PRKN: variants seen among roughly 807,000 people sequenced by gnomAD.
PRKN encodes the protein E3 ubiquitin-protein ligase parkin.
PRKN carries 56 observed loss-of-function variants against 59.5 expected under a neutral mutation model. The observed-to-expected ratio is 0.94, with a 90% CI of 0.76 to 1.18. PRKN has a LOEUF of 1.18. Ranked by LOEUF, PRKN falls within the 50% of genes most tolerant of loss-of-function variation. PRKN has a pLI of 0.00. For missense variants in PRKN, 657 were observed against 596.4 expected (o/e 1.10, Z -1.06); for synonymous variants, 250 against 222.1 (o/e 1.13, Z -1.12).
chr6:162,410,353 G>C (rs1022620750), intron 2 of PRKN, among the ~76,000 whole-genome samples: 2 of 152,044 alleles, frequency 1.3e-5, no homozygotes, highest in Non-Finnish European at 2.9e-5. Flanking sequence ...GCTGAATCCA[G>C]AAACAGACCT....
intron 1 of PRKN, among the ~76,000 whole-genome samples, chr6:162,555,159 TTA>T (rs1265936548): frequency 6.6e-6 from 1 of 152,074 alleles, no homozygotes; most frequent in African/African-American, 2.4e-5. Flanking sequence ...GCTATATATA[TTA>T]TATATGGAGG....
chr6:162,550,444 A>C lies in PRKN; in HGVS notation c.8-106971T>G, dbSNP rs562667489. ...CAAGAGAACTCTAGAGACACTTCTC[A>C]GAGTTGTCCCGTTTGGGGGATGGGC... On this transcript the variant is annotated intron_variant, in intron 1 of 11. Coordinates refer to ENST00000366898, the MANE Select transcript of PRKN (RefSeq NM_004562.3). Among the ~76,000 whole-genome samples, 5 of 152,284 alleles carry C rather than the reference A, an allele frequency of 3.3e-5. No homozygotes were observed. The South Asian group carries it at 1.0e-3, about 32-fold the overall frequency.
In PRKN at chr6:161,388,663, C is replaced by A. The variant is rs565180934; in HGVS notation, c.1084-1786G>T. Among the ~76,000 whole-genome samples, 6 of 152,284 alleles carry A rather than the reference C, an allele frequency of 3.9e-5. No individual in the cohort carries two copies. The East Asian group carries it at 1.2e-3, about 29-fold the overall frequency. On this transcript the variant is annotated intron_variant, in intron 9 of 11. Coordinates refer to ENST00000366898, the MANE Select transcript of PRKN (RefSeq NM_004562.3). This position sits in a 1 kb window ranked among gnomAD's most constrained non-coding sequence, Gnocchi z 4.3. ...AGAATATGGTAGAAATGATGGTGTACCACTTTCTAGGCCCAGGCCTCAAGA... is the reference window on the plus strand; with the variant it reads ...AGAATATGGTAGAAATGATGGTGTAACACTTTCTAGGCCCAGGCCTCAAGA...
intron 5 of PRKN, among the ~76,000 whole-genome samples, chr6:162,026,036 G>C (rs1434924913): frequency 6.6e-6 from 1 of 152,110 alleles, no homozygotes; most frequent in African/African-American, 2.4e-5. Flanking sequence ...TGGGCTCGCA[G>C]GTCCTGTCAA....
chr6:162,136,898 A>T (rs1781580917), intron 4 of PRKN, among the ~76,000 whole-genome samples: 1 of 152,140 alleles, frequency 6.6e-6, no homozygotes, highest in South Asian at 2.1e-4. Context: ...AAAATAAAGG[A>T]ATTTTATTTA....
At chr6:161,701,673 T>C (rs1786256258) in intron 7 of PRKN, among the ~76,000 whole-genome samples, 1 of 152,220 alleles carries the variant, frequency 6.6e-6, no homozygotes, top group Non-Finnish European at 1.5e-5. Flanking sequence ...CAATGTGGCT[T>C]GAATACACAA....
Position 161,352,238 on chromosome 6 carries a change from C to T in PRKN, c.1286-2027G>A, listed in dbSNP as rs1784577800. On this transcript the variant is annotated intron_variant, in intron 11 of 11. Transcript: ENST00000366898. The surrounding 1 kb of genome is among the most constrained non-coding windows in gnomAD (Gnocchi z 5.8). ...CTCACTTTTATTATTAGAAACCTGG[C>T]ATGAGAACTTTCACTAATTTAAAAT... 6.6e-6 allele frequency among the ~76,000 whole-genome samples: 1 copy of T among 152,110 alleles called. No individual in the cohort carries two copies. Among genetic ancestry groups the T allele is most frequent in the Non-Finnish European group, 1.5e-5 (1 of 68,026 alleles).
At chr6:162,714,081 A>C (rs993258215) in intron 1 of PRKN, among the ~76,000 whole-genome samples, 1 of 152,174 alleles carries the variant, frequency 6.6e-6, no homozygotes, top group African/African-American at 2.4e-5. Flanking sequence ...CAATGAGGTA[A>C]AGGTAGATTT....
intron 3 of PRKN, among the ~76,000 whole-genome samples, chr6:162,249,653 A>G (rs1171623402): frequency 6.6e-6 from 1 of 151,782 alleles, no homozygotes; most frequent in African/African-American, 2.4e-5. Context: ...GTCAAATCTA[A>G]GATTCCTTAA....
intron 4 of PRKN, among the ~76,000 whole-genome samples, chr6:162,174,463 C>T (rs748863022): frequency 5.9e-5 from 9 of 152,098 alleles, no homozygotes; most frequent in Non-Finnish European, 8.8e-5. Flanking sequence ...TGTATTGAAA[C>T]GTTTGATTTC....
intron 5 of PRKN, among the ~76,000 whole-genome samples, chr6:162,008,459 C>T (rs1292864837): frequency 2.0e-5 from 3 of 152,098 alleles, no homozygotes; most frequent in African/African-American, 7.2e-5. Flanking sequence ...AGTACTCAAG[C>T]CAAGGCTGAG....
At chr6:161,814,876 C>T (rs1157547012) in intron 6 of PRKN, among the ~76,000 whole-genome samples, 4 of 152,230 alleles carry the variant, frequency 2.6e-5, no homozygotes, top group East Asian at 1.9e-4. Context: ...GGGAAAGACC[C>T]GCCCCCATGA....
chr6:162,087,709 T>G (rs1361258350), intron 4 of PRKN, among the ~76,000 whole-genome samples: 3 of 144,400 alleles, frequency 2.1e-5, no homozygotes, highest in African/African-American at 7.7e-5. Context: ...TTCTCCTGCC[T>G]CAGCCTCCTG....
rs540293604 is a variant in PRKN, at chr6:161,600,458, T to C, written c.872-31042A>G. 4.8e-4 allele frequency among the ~76,000 whole-genome samples: 73 copies of C among 152,220 alleles called. 1 individual carries two copies. The highest frequency in any genetic ancestry group is 8.1e-4 in the Non-Finnish European group (55 of 68,032). On this transcript the variant is annotated intron_variant, in intron 7 of 11. Coordinates refer to ENST00000366898, the MANE Select transcript of PRKN (RefSeq NM_004562.3). ...AATCATTCTCTGTCCAAGTAGTAGG[T>C]CATAATAATTAGATACTTTAGGTAA...
intron 1 of PRKN, among the ~76,000 whole-genome samples, chr6:162,457,396 C>T (rs12665777): frequency 0.19 from 29,482 of 151,928 alleles, 4,081 homozygotes; most frequent in East Asian, 0.39. Context: ...TAAAATGATG[C>T]AATTGCTGTA....
At chr6:162,500,606 A>C (rs1793320427) in intron 1 of PRKN, among the ~76,000 whole-genome samples, 1 of 152,324 alleles carries the variant, frequency 6.6e-6, no homozygotes, top group Non-Finnish European at 1.5e-5. Flanking sequence ...ACAATAGAAG[A>C]ATGACCTAAG....
intron 7 of PRKN, among the ~76,000 whole-genome samples, chr6:161,757,896 C>T (rs372932862): frequency 0.37 from 36,822 of 98,324 alleles, 6,226 homozygotes; most frequent in East Asian, 0.53. Context: ...TACACACACA[C>T]ACACACACAC....
chr6:162,624,468 A>C (rs994162441), intron 1 of PRKN: 1 of 152,346 alleles, frequency 6.6e-6, no homozygotes. Context: ...TGGGAGGTCT[A>C]AGACATGGTT....
At chr6:161,915,955 A>G (rs1330653871) in intron 6 of PRKN, among the ~76,000 whole-genome samples, 2 of 152,224 alleles carry the variant, frequency 1.3e-5, no homozygotes, top group Non-Finnish European at 2.9e-5. Flanking sequence ...GCGAGGCTAC[A>G]GTTATGACTA....
Sources: gnomAD v4.1 joint callset for allele counts (sites outside exome capture counted in the v4.1 genomes callset) on GRCh38, gnomAD v4.1.1 for gene constraint, Gnocchi (gnomAD v3.1) non-coding constraint, MANE v1.5 for transcripts, NCBI Gene and HGNC (gene_info 2026-07-23, HGNC 2026-07-21) for gene names.